CHLSN: variants seen among roughly 807,000 people sequenced by gnomAD.
The protein encoded by CHLSN is protein cholesin.
the CHLSN span, among the ~76,000 whole-genome samples, chr7:1,077,030 G>A: frequency 9.8e-5 from 15 of 152,390 alleles, no homozygotes; most frequent in East Asian, 9.6e-4. Context: ...CCCCGGCCTG[G>A]GCCAGATGCC....
chr7:1,004,075 C>G, the CHLSN span, among the ~76,000 whole-genome samples: 3 of 152,078 alleles, frequency 2.0e-5, no homozygotes, highest in South Asian at 2.1e-4. Flanking sequence ...AGGTGACACG[C>G]CAGCCCCATG....
At chr7:1,009,659 T>C in the CHLSN span, among the ~76,000 whole-genome samples, 1 of 152,168 alleles carries the variant, frequency 6.6e-6, no homozygotes, top group African/African-American at 2.4e-5. Flanking sequence ...GGATTCTTCC[T>C]GTGGTGACGT....
At chr7:1,040,694 A>C in the CHLSN span, among the ~76,000 whole-genome samples, 1,664 of 151,380 alleles carry the variant, frequency 0.011, 31 homozygotes, top group African/African-American at 0.034. Flanking sequence ...AAAGAACAAA[A>C]AAAAAAAAAA....
At chr7:1,069,439 C>T in the CHLSN span, among the ~76,000 whole-genome samples, 1 of 144,886 alleles carries the variant, frequency 6.9e-6, no homozygotes, top group Non-Finnish European at 1.5e-5. Flanking sequence ...GCTGCCATCT[C>T]GGCTCACTGC....
At chr7:1,124,813 C>G in the CHLSN span, among the ~76,000 whole-genome samples, 18 of 152,048 alleles carry the variant, frequency 1.2e-4, no homozygotes. Context: ...GAGGAGGAGC[C>G]GAAATTCAAG....
At chr7:988,818 C>T in the CHLSN span, 25 of 1,551,376 alleles carry the variant, frequency 1.6e-5, no homozygotes, top group South Asian at 2.4e-4. Context: ...GTGCCCAGGC[C>T]CTAGGAGCTC....
At chr7:1,042,479 C>T in the CHLSN span, among the ~76,000 whole-genome samples, 1 of 152,214 alleles carries the variant, frequency 6.6e-6, no homozygotes. Flanking sequence ...CAGCTGCAGC[C>T]TCTGGAGAGT....
the CHLSN span, among the ~76,000 whole-genome samples, chr7:1,117,728 C>T: frequency 6.8e-6 from 1 of 147,958 alleles, no homozygotes; most frequent in Non-Finnish European, 1.5e-5. Context: ...AACGCCCACG[C>T]AGGATGATGA....
the CHLSN span, among the ~76,000 whole-genome samples, chr7:1,135,789 A>C: frequency 1.1e-5 from 1 of 87,830 alleles, no homozygotes; most frequent in Non-Finnish European, 2.1e-5. Context: ...ATATATATAT[A>C]TATACACAAT....
At chr7:1,092,715 G>A in the CHLSN span, 1 of 1,613,528 alleles carries the variant, frequency 6.2e-7, no homozygotes, top group Non-Finnish European at 8.5e-7. Flanking sequence ...TTCTCGGGGA[G>A]ACCTTCAGGG....
At chr7:1,006,861 G>A in the CHLSN span, among the ~76,000 whole-genome samples, 9 of 152,302 alleles carry the variant, frequency 5.9e-5, no homozygotes, top group African/African-American at 1.4e-4. Context: ...CTGCTGCACA[G>A]CTCCCACCAG....
the CHLSN span, among the ~76,000 whole-genome samples, chr7:1,135,460 T>C: frequency 6.4e-4 from 98 of 152,108 alleles, no homozygotes; most frequent in African/African-American, 2.1e-3. Flanking sequence ...TATATCTACA[T>C]GTGTGTATAT....
chr7:1,131,216 G>T, the CHLSN span, among the ~76,000 whole-genome samples: 1 of 120,860 alleles, frequency 8.3e-6, no homozygotes, highest in South Asian at 2.8e-4. Flanking sequence ...AAAAAAAAAA[G>T]AGTAAAGCAG....
At chr7:1,060,855 G>A in the CHLSN span, among the ~76,000 whole-genome samples, 486 of 152,284 alleles carry the variant, frequency 3.2e-3, 3 homozygotes, top group Admixed American at 8.8e-3. Context: ...CCATGCCTGC[G>A]CGGAAACCCT....
At chr7:1,122,675 T>C in the CHLSN span, among the ~76,000 whole-genome samples, 1 of 152,060 alleles carries the variant, frequency 6.6e-6, no homozygotes, top group Non-Finnish European at 1.5e-5. Flanking sequence ...ATTTGAAACC[T>C]CATCCTCACA....
chr7:1,115,884 C>T, the CHLSN span, among the ~76,000 whole-genome samples: 110 of 112,154 alleles, frequency 9.8e-4, 5 homozygotes, highest in African/African-American at 3.3e-3. Context: ...GCTCTAGGAC[C>T]GGCTTCCATC....
the CHLSN span, among the ~76,000 whole-genome samples, chr7:1,064,536 T>C: frequency 6.6e-6 from 1 of 152,130 alleles, no homozygotes; most frequent in Admixed American, 6.5e-5. Flanking sequence ...ACACCCTGAC[T>C]CCTGAGAGGA....
At chr7:1,016,312 C>G in the CHLSN span, among the ~76,000 whole-genome samples, 5 of 57,532 alleles carry the variant, frequency 8.7e-5, 2 homozygotes, top group Admixed American at 3.7e-4. Context: ...CATAGCAGCA[C>G]AGCAGCACAC....
At chr7:981,515 A>G in the CHLSN span, among the ~76,000 whole-genome samples, 1 of 151,374 alleles carries the variant, frequency 6.6e-6, no homozygotes, top group Non-Finnish European at 1.5e-5. Context: ...AGAGATCGAG[A>G]CTGTCCTGGC....
Sources: gnomAD v4.1 joint callset for allele counts (sites outside exome capture counted in the v4.1 genomes callset) on GRCh38, gnomAD v4.1.1 for gene constraint, MANE v1.5 for transcripts, NCBI Gene and HGNC (gene_info 2026-07-23, HGNC 2026-07-21) for gene names.